Variants in EIF4G3 observed in about 807,000 individuals in gnomAD.
EIF4G3 encodes eukaryotic translation initiation factor 4 gamma 3.
A neutral mutation model predicts 186.4 loss-of-function variants in EIF4G3; 34 were observed. The ratio of observed to expected loss-of-function variants is 0.18; its 90% CI spans 0.14 to 0.24. The LOEUF (loss-of-function observed/expected upper bound fraction) is 0.24. Among genes scored for constraint, EIF4G3 ranks in the 10% least tolerant of loss-of-function variants. The pLI, the probability that EIF4G3 is intolerant of heterozygous loss-of-function variation, is 1.00. For synonymous variants in EIF4G3, 673 were observed against 679.5 expected (o/e 0.99, Z 0.15); for missense variants, 1,536 against 1,948.5 (o/e 0.79, Z 3.99).
intron 4 of EIF4G3, among the ~76,000 whole-genome samples, chr1:21,021,369 G>C (rs2154570870): frequency 6.6e-6 from 1 of 152,214 alleles, no homozygotes; most frequent in South Asian, 2.1e-4. Flanking sequence ...CTGCACCTCT[G>C]AGAGCAAGAA....
chr1:21,126,344 A>G (rs12750896), intron 2 of EIF4G3, among the ~76,000 whole-genome samples: 4,176 of 152,236 alleles, frequency 0.027, 88 homozygotes, highest in Non-Finnish European at 0.038. Flanking sequence ...ACTACATTGA[A>G]TTTATATAAA....
intron 4 of EIF4G3, among the ~76,000 whole-genome samples, chr1:21,014,422 G>A (rs2088210871): frequency 6.6e-6 from 1 of 152,108 alleles, no homozygotes; most frequent in Non-Finnish European, 1.5e-5. Flanking sequence ...TGTCACTTGG[G>A]TAATAAGCAC....
At chr1:20,992,136 G>A (rs957973266) in intron 7 of EIF4G3, among the ~76,000 whole-genome samples, 6 of 152,050 alleles carry the variant, frequency 3.9e-5, no homozygotes, top group Non-Finnish European at 8.8e-5. Context: ...TTGTGAATGA[G>A]ATACCAGATA....
chr1:21,166,127 T>TTTTTTTTTTTGAGACGG (rs1387588547), intron 2 of EIF4G3, among the ~76,000 whole-genome samples: 1 of 149,050 alleles, frequency 6.7e-6, no homozygotes, highest in Non-Finnish European at 1.5e-5. Flanking sequence ...TTTTTCCTTT[T>TTTTTTTTTTTGAGACGG]AAAAATTCAT....
chr1:20,872,108 A>T (rs994159280), intron 20 of EIF4G3, among the ~76,000 whole-genome samples: 1 of 151,892 alleles, frequency 6.6e-6, no homozygotes, highest in Admixed American at 6.6e-5. Context: ...TTAAAAAAAA[A>T]ATCTGTGTGT....
rs1044440920 is a variant in EIF4G3 at position 20,901,498 on chromosome 1, CTT to C, written c.1753-1557_1753-1556del. Among the ~76,000 whole-genome samples, 5 of 151,766 alleles carry C rather than the reference CTT, an allele frequency of 3.3e-5. No individual in the cohort carries two copies. In the South Asian group the frequency reaches 8.3e-4, roughly 25 times the overall value. On this transcript the variant is annotated intron_variant, in intron 15 of 36. Transcript: ENST00000602326. Reference sequence around the variant, plus strand: ...ATTTCAGATCTTATAAAATGTGAAACTTTTTTTTAGAGAATACAGTGCATCCT... The same window carrying C: ...ATTTCAGATCTTATAAAATGTGAAACTTTTTTAGAGAATACAGTGCATCCT...
chr1:21,146,027 C>T (rs1287948216), intron 2 of EIF4G3, among the ~76,000 whole-genome samples: 2 of 151,940 alleles, frequency 1.3e-5, no homozygotes, highest in African/African-American at 2.4e-5. Context: ...CCCAGGAGTT[C>T]GAGGCTGTAG....
intron 6 of EIF4G3, among the ~76,000 whole-genome samples, chr1:21,000,843 A>G (rs999924992): frequency 3.3e-5 from 5 of 152,210 alleles, no homozygotes; most frequent in African/African-American, 4.8e-5. Context: ...GCTGACAACT[A>G]CAGACAATTT....
chr1:20,900,341 A>C (rs973173286), intron 15 of EIF4G3, among the ~76,000 whole-genome samples: 2 of 152,182 alleles, frequency 1.3e-5, no homozygotes, highest in Non-Finnish European at 2.9e-5. Flanking sequence ...TATTTTTTAC[A>C]CTGTCTTCTG....
intron 14 of EIF4G3, among the ~76,000 whole-genome samples, chr1:20,916,456 A>C (rs939995282): frequency 6.6e-6 from 1 of 152,024 alleles, no homozygotes; most frequent in African/African-American, 2.4e-5. Context: ...CAAAAAAAAA[A>C]ACAAAAACAA....
intron 2 of EIF4G3, among the ~76,000 whole-genome samples, chr1:21,108,740 C>T (rs2096661199): frequency 1.3e-5 from 2 of 151,592 alleles, no homozygotes; most frequent in African/African-American, 4.9e-5. Flanking sequence ...CCCGTCTCTA[C>T]TAAAATACAA....
intron 6 of EIF4G3, among the ~76,000 whole-genome samples, chr1:20,998,212 T>TACACACACACACACAC (rs5772928): frequency 1.3e-5 from 2 of 148,474 alleles, no homozygotes; most frequent in African/African-American, 2.5e-5. Flanking sequence ...TTTATGACTT[T>TACACACACACACACAC]ACACACACAC....
chr1:20,946,253 T>G (rs182512170), intron 13 of EIF4G3, among the ~76,000 whole-genome samples: 36 of 152,304 alleles, frequency 2.4e-4, no homozygotes, highest in South Asian at 4.1e-4. Context: ...CTGAACACAC[T>G]AGGTGCTTTC....
chr1:20,864,346 G>T, intron 22 of EIF4G3, 130 bp downstream of exon 22: 1 of 730,500 alleles, frequency 1.4e-6, no homozygotes, highest in Non-Finnish European at 2.3e-6. Flanking sequence ...CTGACAATGA[G>T]ACGGGCAAAA....
chr1:21,147,380 G>T (rs893491407), intron 2 of EIF4G3, among the ~76,000 whole-genome samples: 1 of 151,412 alleles, frequency 6.6e-6, no homozygotes, highest in African/African-American at 2.4e-5. Flanking sequence ...TCACACTGTC[G>T]CCTGGGCTGG....
Position 21,088,875 on chromosome 1 carries a change from A to AAAT in EIF4G3, c.-196+260_-196+262dup, listed in dbSNP as rs562634419. Among the ~76,000 whole-genome samples, 510 of 152,174 alleles carry AAAT rather than the reference A, an allele frequency of 3.4e-3. 1 individual carries two copies. The highest frequency in any genetic ancestry group is 6.8e-3 in the Middle Eastern group (2 of 292). ...GTGAAACTCTGTCTCAAAATAATAA[A>AAAT]AATAATAATAATAATAAGGCCAGAG... On this transcript the variant is annotated intron_variant, in intron 3 of 36. Coordinates refer to ENST00000602326, the MANE Select transcript of EIF4G3 (RefSeq NM_001391906.1).
In EIF4G3 at chr1:20,840,947, C is replaced by G; in HGVS notation, c.3970G>C (p.Glu1324Gln). 1.9e-6 allele frequency: 3 copies of G among 1,614,020 alleles called. No homozygotes were observed. Among genetic ancestry groups the G allele is most frequent in the Non-Finnish European group, 2.5e-6 (3 of 1,179,950 alleles). The change falls in exon 30 of 37, where the codon GAA (glutamate) becomes CAA (glutamine). Residue 1324 changes from glutamate (E) to glutamine (Q), a missense_variant. Coordinates refer to ENST00000602326, the MANE Select transcript of EIF4G3 (RefSeq NM_001391906.1). ...TGATCCCTGGTGATCTGGCTCCTTTCCAGGGTGGACTCCACTCCCACTCTC... is the reference window on the plus strand; with the variant it reads ...TGATCCCTGGTGATCTGGCTCCTTTGCAGGGTGGACTCCACTCCCACTCTC... ...FVRVGVESTLERSQITRDHMG... is the reference protein window; with the variant it reads ...FVRVGVESTLQRSQITRDHMG...
At chr1:20,857,134 G>C (rs1436569665) in intron 25 of EIF4G3, among the ~76,000 whole-genome samples, 1 of 128,088 alleles carries the variant, frequency 7.8e-6, no homozygotes, top group African/African-American at 3.0e-5. Context: ...CTGCACTCCA[G>C]CCTGGGCGAC....
chr1:20,998,658 C>T (rs565752575), intron 6 of EIF4G3, among the ~76,000 whole-genome samples: 1 of 152,110 alleles, frequency 6.6e-6, no homozygotes, highest in African/African-American at 2.4e-5. Flanking sequence ...AAGGAACAGA[C>T]AAAAATATTG....
Sources: allele counts gnomAD v4.1 joint callset (sites outside exome capture counted in the v4.1 genomes callset), GRCh38; gene constraint gnomAD v4.1.1; transcripts MANE v1.5; gene names NCBI Gene and HGNC (gene_info 2026-07-23, HGNC 2026-07-21).